The following ANKRD36 variants were observed in gnomAD, a reference collection of about 807,000 sequenced individuals.
ANKRD36 encodes the protein ankyrin repeat domain-containing protein 36A.
ANKRD36 carries 179 observed loss-of-function variants against 278.1 expected under a neutral mutation model. That is an observed-to-expected ratio of 0.64 (90% confidence interval 0.57 to 0.73). The LOEUF (loss-of-function observed/expected upper bound fraction) is 0.73. ANKRD36 is among the 30% of genes least tolerant of loss of function. The pLI, the probability that ANKRD36 is intolerant of heterozygous loss-of-function variation, is 0.00. For missense variants in ANKRD36, 1,159 were observed against 1,956.7 expected (o/e 0.59, Z 7.69); for synonymous variants, 320 against 641.1 (o/e 0.50, Z 7.57).
rs772334580 is a variant in ANKRD36, at chr2:97,158,139, G to A, written c.1293G>A (p.Arg431=). Reference sequence around the variant, plus strand: ...CAGAACCATACTTTACGAACAGAAGGACTATTTCTCAACAATCTGCAGAAA... The same window carrying A: ...CAGAACCATACTTTACGAACAGAAGAACTATTTCTCAACAATCTGCAGAAA... ...NISEPYFTNR[R]TISQQSAENL... is the part of the protein sequence containing the mutation. The change falls in exon 16 of 76, where the codon AGG becomes AGA. Residue 431 remains arginine (R), a synonymous_variant. Transcript: ENST00000420699. 5.0e-4 allele frequency: 757 copies of A among 1,514,708 alleles called. 1 individual carries two copies. Among genetic ancestry groups the A allele is most frequent in the Non-Finnish European group, 6.3e-4 (705 of 1,127,640 alleles). The allele number at this position is 1,514,708 out of a possible 1,614,324, so 93.8% of individuals were successfully genotyped here. A position where few individuals can be genotyped will look rare whatever the true frequency, so the allele number is the denominator to read the frequency against.
At position 97,194,764 on chromosome 2, in the gene ANKRD36, C is replaced by A. The variant is rs770653643; in HGVS notation, c.2478+10C>A. 6 of 1,603,470 alleles carry A rather than the reference C, an allele frequency of 3.7e-6. No individual in the cohort carries two copies. In the East Asian group the frequency reaches 1.3e-4, roughly 36 times the overall value. Reference sequence around the variant, plus strand: ...AAAACCAGCCTTGAAGGTAATGAAACTCTCATTCATATTGTGAGCTAGTAA... The same window carrying A: ...AAAACCAGCCTTGAAGGTAATGAAAATCTCATTCATATTGTGAGCTAGTAA... On this transcript the variant is annotated intron_variant, in intron 39 of 75. Coordinates refer to ENST00000420699, the MANE Select transcript of ANKRD36 (RefSeq NM_001354587.1).
At chr2:97,227,933 T>A (rs2070451684) in intron 67 of ANKRD36, among the ~76,000 whole-genome samples, 1 of 152,144 alleles carries the variant, frequency 6.6e-6, no homozygotes, top group Non-Finnish European at 1.5e-5. Flanking sequence ...TAAGCTGGAT[T>A]ACATTTATTT....
In ANKRD36 at chr2:97,204,006, A is replaced by T. The variant is rs1422770229; in HGVS notation, c.2960-62A>T. On this transcript the variant is annotated intron_variant, in intron 48 of 75. Coordinates refer to ENST00000420699, the MANE Select transcript of ANKRD36 (RefSeq NM_001354587.1). ...CAGAGGCTGATGCTAACACTGCATG[A>T]ATGTATGGATAATTTTGTCATTTTT... is the stretch of plus-strand genomic sequence containing the variant. 46 of 1,538,666 alleles carry T rather than the reference A, an allele frequency of 3.0e-5. No individual in the cohort carries two copies. The East Asian group carries it at 1.1e-3, about 36-fold the overall frequency.
chr2:97,209,216 G>T (rs1457639648), intron 54 of ANKRD36, among the ~76,000 whole-genome samples: 1 of 146,664 alleles, frequency 6.8e-6, no homozygotes, highest in Admixed American at 6.7e-5. Flanking sequence ...GAGTGTCATT[G>T]TAATTGTGTG....
At chr2:97,197,510 T>G (rs1325184446) in intron 42 of ANKRD36, among the ~76,000 whole-genome samples, 1 of 151,918 alleles carries the variant, frequency 6.6e-6, no homozygotes, top group African/African-American at 2.4e-5. Flanking sequence ...GAGACAAGCT[T>G]AAATCTGAAT....
chr2:97,209,765 A>T (rs764312932), intron 55 of ANKRD36, 35 bp from the exon 56 acceptor site: 1 of 1,522,118 alleles, frequency 6.6e-7, no homozygotes, highest in East Asian at 2.3e-5. Context: ...TATGAAAGAT[A>T]CCTTACTTAT....
In ANKRD36 at chr2:97,198,596, C is replaced by A. The variant is rs61218502; in HGVS notation, c.2693C>A (p.Ala898Asp). Residue 898 changes from alanine to aspartate, a missense_variant, in exon 44 of 76, where the codon GCC (alanine) becomes GAC (aspartate). By Grantham distance (126) the Ala-to-Asp change is moderately radical. Coordinates refer to ENST00000420699, the MANE Select transcript of ANKRD36 (RefSeq NM_001354587.1). The part of the protein sequence containing the change: ...EKPPGLKASS[A>D]EKDSVLNIAR... The stretch of plus-strand genomic sequence containing the variant: ...TCAAATTCCATTCAGGCTTCAAGTG[C>A]CGAGAAAGATTCTGTTTTGAATATA... The A allele has an allele frequency of 0.71, 1,089,422 of 1,536,278 alleles. 408,447 individuals are homozygous for A. Among genetic ancestry groups the A allele is most frequent in the Non-Finnish European group, 0.79 (896,222 of 1,139,076 alleles).
chr2:97,183,623 A>G lies in ANKRD36; in HGVS notation c.1908A>G (p.Thr636=). 1 of 1,572,804 alleles carries G rather than the reference A, an allele frequency of 6.4e-7. No homozygotes were observed. Among genetic ancestry groups the G allele is most frequent in the Non-Finnish European group, 8.6e-7 (1 of 1,159,178 alleles). The change falls in exon 28 of 76, where the codon ACA becomes ACG. Residue 636 remains threonine, a synonymous_variant. Transcript: ENST00000420699. ...AAGTTTCTCTTTTGAATATTGCCAC[A>G]AGAATAATGGGTGGTGGGAAATCTG... ...KKKVSLLNIA[T]RIMGGGKSGT... is the part of the protein sequence containing the mutation.
At chr2:97,231,439 A>G (rs2153674158) in intron 67 of ANKRD36, among the ~76,000 whole-genome samples, 1 of 152,276 alleles carries the variant, frequency 6.6e-6, no homozygotes, top group Non-Finnish European at 1.5e-5. Flanking sequence ...CCTCTGAGCC[A>G]GGTGCAGGAT....
chr2:97,142,638 A>C lies in ANKRD36; in HGVS notation c.800-2A>C. On this transcript the variant is annotated splice_acceptor_variant, in intron 6 of 75. Coordinates refer to ENST00000420699, the MANE Select transcript of ANKRD36 (RefSeq NM_001354587.1). LOFTEE classifies it high-confidence loss of function. ...TGATTATGTATCCCTTTTGCTTTTC[A>C]GTGTCTTCTCAGAAACAACCAGCCT... 2 of 1,608,834 alleles carry C rather than the reference A, an allele frequency of 1.2e-6. No homozygotes were observed. Among genetic ancestry groups the C allele is most frequent in the Non-Finnish European group, 1.7e-6 (2 of 1,179,116 alleles).
chr2:97,218,043 A>T (rs1322699682), intron 64 of ANKRD36, among the ~76,000 whole-genome samples: 1 of 152,086 alleles, frequency 6.6e-6, no homozygotes, highest in Non-Finnish European at 1.5e-5. Flanking sequence ...CTCATTATTC[A>T]TGTTTCTTAG....
Position 97,207,425 on chromosome 2 carries a change from T to A in ANKRD36, c.3164-386T>A, listed in dbSNP as rs555705435. Reference sequence around the variant, plus strand: ...GTAGTATAATGGTGTAAATCCTTTTTATTTCCTGCATGAAAGACATGTGGG... The same window carrying A: ...GTAGTATAATGGTGTAAATCCTTTTAATTTCCTGCATGAAAGACATGTGGG... On this transcript the variant is annotated intron_variant, in intron 52 of 75. Transcript: ENST00000420699. 4.2e-3 allele frequency among the ~76,000 whole-genome samples: 636 copies of A among 151,246 alleles called. 7 individuals carry two copies. The highest frequency in any genetic ancestry group is 0.015 in the African/African-American group (608 of 41,416).
intron 15 of ANKRD36, among the ~76,000 whole-genome samples, chr2:97,155,278 T>C (rs2047178336): frequency 7.0e-6 from 1 of 143,558 alleles, no homozygotes; most frequent in African/African-American, 2.4e-5. Context: ...TTTTTATTCT[T>C]GGTTCTATAT....
At chr2:97,174,108 G>A (rs1355030955) in intron 22 of ANKRD36, among the ~76,000 whole-genome samples, 1 of 151,238 alleles carries the variant, frequency 6.6e-6, no homozygotes, top group Non-Finnish European at 1.5e-5. Context: ...TAGTGATTTA[G>A]AAACTTTGTT....
chr2:97,182,597 C>T (rs932794738), intron 26 of ANKRD36, among the ~76,000 whole-genome samples: 2 of 148,958 alleles, frequency 1.3e-5, no homozygotes, highest in African/African-American at 2.4e-5. Flanking sequence ...TATTTTATAC[C>T]AGACTATTTT....
At chr2:97,199,297 C>G (rs1288111555) in intron 44 of ANKRD36, among the ~76,000 whole-genome samples, 2 of 151,900 alleles carry the variant, frequency 1.3e-5, no homozygotes, top group African/African-American at 4.8e-5. Context: ...ATACACCACA[C>G]TGACCCCTTA....
chr2:97,193,116 G>C (rs2058902011), intron 38 of ANKRD36, 63 bp downstream of exon 38: 1 of 1,407,646 alleles, frequency 7.1e-7, no homozygotes, highest in Non-Finnish European at 9.6e-7. Context: ...TCTCTTCCCT[G>C]AATAAATCAG....
chr2:97,227,097 T>G (rs1353160734), intron 67 of ANKRD36, among the ~76,000 whole-genome samples: 1 of 152,138 alleles, frequency 6.6e-6, no homozygotes, highest in Non-Finnish European at 1.5e-5. Flanking sequence ...AAGGATTGAC[T>G]TAGTGATGCG....
chr2:97,187,558 G>A (rs2057701936), intron 32 of ANKRD36, among the ~76,000 whole-genome samples, 157 bp downstream of exon 32: 1 of 151,702 alleles, frequency 6.6e-6, no homozygotes. Context: ...TAAATTCTTG[G>A]GTGACGCTAA....
Sources: allele counts gnomAD v4.1 joint callset (sites outside exome capture counted in the v4.1 genomes callset), GRCh38; gene constraint gnomAD v4.1.1; transcripts MANE v1.5; gene names NCBI Gene and HGNC (gene_info 2026-07-23, HGNC 2026-07-21).